AOPEP: variants seen among roughly 807,000 people sequenced by gnomAD.
The protein encoded by AOPEP is aminopeptidase O.
A neutral mutation model predicts 98.1 loss-of-function variants in AOPEP; 77 were observed. That is an observed-to-expected ratio of 0.78 (90% CI 0.65 to 0.95). The LOEUF (loss-of-function observed/expected upper bound fraction) is 0.95. Ranked by LOEUF, AOPEP falls within the 40% of genes least tolerant of loss-of-function variation. The pLI is 0.00. For synonymous variants in AOPEP, 346 were observed against 365.3 expected, an observed-to-expected ratio of 0.95 and a Z score of 0.60; for missense variants, 1,024 against 1,024.7, an observed-to-expected ratio of 1.00 and a Z score of 0.01.
At chr9:95,057,475 AT>A in intron 13 of AOPEP, among the ~76,000 whole-genome samples, 1 of 152,314 alleles carries the variant, frequency 6.6e-6, no homozygotes. Context: ...CTTTACAAAC[AT>A]TTTGGTTTAT....
rs563562287 is a variant in AOPEP at position 94,788,318 on chromosome 9, A to T, written c.965-4447A>T. 2.6e-5 allele frequency among the ~76,000 whole-genome samples: 4 copies of T among 152,108 alleles called. No homozygotes were observed. In the South Asian group the frequency reaches 8.3e-4, roughly 32 times the overall value. Reference sequence around the variant, plus strand: ...GGTCTTGAACTATTGGTCTCATGTGATCCTTTTACCTAGGCCTCCCAAAGT... The same window carrying T: ...GGTCTTGAACTATTGGTCTCATGTGTTCCTTTTACCTAGGCCTCCCAAAGT... On this transcript the variant is annotated intron_variant, in intron 3 of 16. Coordinates refer to ENST00000375315, the MANE Select transcript of AOPEP (RefSeq NM_001193329.3).
intron 9 of AOPEP, among the ~76,000 whole-genome samples, chr9:94,963,880 GC>G (rs1284675608): frequency 6.6e-6 from 1 of 152,176 alleles, no homozygotes; most frequent in Non-Finnish European, 1.5e-5. Context: ...ATTTTCTTGT[GC>G]TGTAGAAAGT....
chr9:94,788,670 C>T (rs1844980090), intron 3 of AOPEP, among the ~76,000 whole-genome samples: 1 of 152,188 alleles, frequency 6.6e-6, no homozygotes, highest in Non-Finnish European at 1.5e-5. Flanking sequence ...AGACTGATTT[C>T]TTAAGCTAAT....
intron 9 of AOPEP, among the ~76,000 whole-genome samples, chr9:94,965,646 T>C (rs1337175459): frequency 6.6e-6 from 1 of 152,232 alleles, no homozygotes; most frequent in Non-Finnish European, 1.5e-5. Context: ...GTGTGAAGTC[T>C]GTATCTGCAG....
At chr9:95,023,273 G>T (rs2063599834) in intron 13 of AOPEP, among the ~76,000 whole-genome samples, 2 of 152,234 alleles carry the variant, frequency 1.3e-5, no homozygotes, top group South Asian at 4.1e-4. Flanking sequence ...GAGAGACCAG[G>T]AAGTGTAGCT....
At chr9:95,126,308 A>C in the AOPEP span, among the ~76,000 whole-genome samples, 1 of 152,252 alleles carries the variant, frequency 6.6e-6, no homozygotes, top group Non-Finnish European at 1.5e-5. Flanking sequence ...AAAAGGCTAA[A>C]GAAAATAAAG....
chr9:94,965,688 G>T (rs968676696), intron 9 of AOPEP, among the ~76,000 whole-genome samples: 6 of 152,246 alleles, frequency 3.9e-5, no homozygotes, highest in African/African-American at 7.2e-5. Context: ...TCAGTCTGCA[G>T]TTAAATGGGT....
At chr9:95,124,057 T>A in the AOPEP span, among the ~76,000 whole-genome samples, 2 of 127,886 alleles carry the variant, frequency 1.6e-5, no homozygotes, top group Admixed American at 2.0e-4. Flanking sequence ...TAAACTGAGA[T>A]CACATCACTG....
chr9:94,809,781 A>G (rs376674500), intron 5 of AOPEP, among the ~76,000 whole-genome samples: 2 of 152,280 alleles, frequency 1.3e-5, no homozygotes, highest in East Asian at 3.8e-4. Context: ...TACACAAAAT[A>G]GAAAATGTAA....
At chr9:94,903,726 A>G (rs72748579) in intron 5 of AOPEP, among the ~76,000 whole-genome samples, 3,410 of 151,536 alleles carry the variant, frequency 0.023, 91 homozygotes, top group African/African-American at 0.062. Flanking sequence ...ACTTGAGCCC[A>G]GCAGTTCAAG....
At chr9:95,010,990 A>C (rs1417082889) in intron 13 of AOPEP, among the ~76,000 whole-genome samples, 2 of 150,966 alleles carry the variant, frequency 1.3e-5, no homozygotes, top group South Asian at 4.2e-4. Context: ...TCCCTAATAA[A>C]TAATGTATTA....
At chr9:95,122,800 C>G in the AOPEP span, among the ~76,000 whole-genome samples, 1 of 152,186 alleles carries the variant, frequency 6.6e-6, no homozygotes, top group East Asian at 1.9e-4. Flanking sequence ...TGAGACTCCC[C>G]AGAGGCCCGT....
intron 5 of AOPEP, chr9:94,904,352 G>A (rs2050845795): frequency 6.6e-6 from 1 of 152,268 alleles, no homozygotes; most frequent in Non-Finnish European, 1.5e-5. Flanking sequence ...GGGGCACTGG[G>A]TATTATTTGA....
intron 3 of AOPEP, among the ~76,000 whole-genome samples, chr9:94,778,407 A>G (rs1842623554): frequency 6.6e-6 from 1 of 151,808 alleles, no homozygotes; most frequent in African/African-American, 2.4e-5. Flanking sequence ...TAAACAAATT[A>G]TGGTTTATTC....
intron 5 of AOPEP, among the ~76,000 whole-genome samples, chr9:94,830,998 C>T (rs116779383): frequency 0.012 from 1,775 of 151,984 alleles, 34 homozygotes; most frequent in African/African-American, 0.041. Context: ...CCATTCTTTA[C>T]GTTGTGTGTT....
chr9:95,009,785 A>G (rs550158267), intron 13 of AOPEP, among the ~76,000 whole-genome samples: 1 of 152,224 alleles, frequency 6.6e-6, no homozygotes, highest in South Asian at 2.1e-4. Context: ...CAGTGTTCCA[A>G]TTGTTAAAAA....
chr9:94,814,114 A>G (rs1851212478), intron 5 of AOPEP, among the ~76,000 whole-genome samples: 2 of 152,224 alleles, frequency 1.3e-5, no homozygotes, highest in African/African-American at 4.8e-5. Flanking sequence ...AAATCTTTCA[A>G]ACTTGCAGTT....
At chr9:94,894,064 T>C (rs948826434) in intron 5 of AOPEP, among the ~76,000 whole-genome samples, 2 of 152,150 alleles carry the variant, frequency 1.3e-5, no homozygotes, top group African/African-American at 4.8e-5. Context: ...AACCCCAAAA[T>C]GCAGAATATC....
At chr9:95,038,502 G>A (rs1287465307) in intron 13 of AOPEP, among the ~76,000 whole-genome samples, 1 of 152,144 alleles carries the variant, frequency 6.6e-6, no homozygotes, top group African/African-American at 2.4e-5. Flanking sequence ...ACAAATCCAG[G>A]CCACTACCTG....
Sources: allele counts gnomAD v4.1 joint callset (sites outside exome capture counted in the v4.1 genomes callset), GRCh38; gene constraint gnomAD v4.1.1; transcripts MANE v1.5; gene names NCBI Gene and HGNC (gene_info 2026-07-23, HGNC 2026-07-21).